ERN1: variants seen among roughly 807,000 people sequenced by gnomAD.
ERN1 encodes endoplasmic reticulum to nucleus signaling 1, also known as serine/threonine-protein kinase/endoribonuclease IRE1.
In ERN1, 39 loss-of-function variants were observed where a neutral mutation model predicts 113.1. The ratio of observed to expected loss-of-function variants is 0.34; its 90% CI spans 0.27 to 0.45. The LOEUF is 0.45. ERN1 is among the 20% of genes least tolerant of loss of function. The pLI is 1.00. For missense variants in ERN1, 976 were observed against 1,274.8 expected (o/e 0.77, Z 3.57); for synonymous variants, 507 against 515.9 (o/e 0.98, Z 0.23).
intron 5 of ERN1, among the ~76,000 whole-genome samples, chr17:64,073,004 A>ATTTTTTTTTTTTTT (rs34253228): frequency 7.8e-6 from 1 of 129,008 alleles, no homozygotes; most frequent in African/African-American, 2.8e-5. Flanking sequence ...AGCCTTTGAA[A>ATTTTTTTTTTTTTT]TTTTTTTTTT....
chr17:64,092,710 G>A (rs1029653551), intron 2 of ERN1, among the ~76,000 whole-genome samples: 4 of 152,130 alleles, frequency 2.6e-5, no homozygotes, highest in African/African-American at 7.2e-5. Context: ...TAATTTGATG[G>A]GGATTTGAGT....
intron 2 of ERN1, among the ~76,000 whole-genome samples, chr17:64,094,202 T>G (rs910403246): frequency 1.3e-5 from 2 of 152,232 alleles, no homozygotes; most frequent in African/African-American, 4.8e-5. Flanking sequence ...GTACTTCTTT[T>G]GTTTGAAACA....
chr17:64,114,523 C>A (rs1914755266), intron 1 of ERN1, among the ~76,000 whole-genome samples: 1 of 152,134 alleles, frequency 6.6e-6, no homozygotes, highest in Non-Finnish European at 1.5e-5. Flanking sequence ...TGTTTGAGGA[C>A]CCGGTGGACC....
intron 1 of ERN1, among the ~76,000 whole-genome samples, chr17:64,104,868 C>T (rs1423598306): frequency 1.3e-5 from 2 of 152,030 alleles, no homozygotes; most frequent in African/African-American, 2.4e-5. Flanking sequence ...AGACTTTTCA[C>T]CTCTAAGTCA....
intron 1 of ERN1, among the ~76,000 whole-genome samples, chr17:64,112,707 A>G (rs73992948): frequency 0.053 from 8,042 of 152,240 alleles, 688 homozygotes; most frequent in African/African-American, 0.18. Flanking sequence ...ACACATGGAG[A>G]TTCCTGATGG....
chr17:64,066,429 T>C (rs562148502), intron 8 of ERN1, among the ~76,000 whole-genome samples: 3 of 152,236 alleles, frequency 2.0e-5, no homozygotes, highest in Non-Finnish European at 4.4e-5. Context: ...GTGTATGCCA[T>C]GGTGCCCGAC....
chr17:64,054,144 T>G lies in ERN1; in HGVS notation c.1953+106A>C, dbSNP rs1298462394. On this transcript the variant is annotated intron_variant, in intron 15 of 21. Transcript: ENST00000433197. This position sits in a 1 kb window ranked among gnomAD's most constrained non-coding sequence, Gnocchi z 4.9. ...TTGTAGAGATGGGGTTTCACCATGT[T>G]GTCCAGGCTGGTCTCAAACTCCTGA... is the stretch of plus-strand genomic sequence containing the variant. 2 of 1,015,494 alleles carry G rather than the reference T, an allele frequency of 2.0e-6. No homozygotes were observed. The highest frequency in any genetic ancestry group is 3.2e-5 in the African/African-American group (2 of 61,796). The allele number at this position is 1,015,494 out of a possible 1,614,324, so 62.9% of individuals were successfully genotyped here.
chr17:64,047,960 T>C lies in ERN1; in HGVS notation c.2427A>G (p.Ile809Met). 5.0e-6 allele frequency: 8 copies of C among 1,613,208 alleles called. No individual in the cohort carries two copies. The highest frequency in any genetic ancestry group is 6.8e-6 in the Non-Finnish European group (8 of 1,179,324). ...GAGGATCCATCGCAATCATCTTCTCTATCAATTCACGTGCAATGACGTCTT... is the reference window on the plus strand; with the variant it reads ...GAGGATCCATCGCAATCATCTTCTCCATCAATTCACGTGCAATGACGTCTT... ...KHEDVIAREL[I>M]EKMIAMDPQK... The change falls in exon 19 of 22, where the codon ATA becomes ATG. Residue 809 changes from isoleucine (I) to methionine (M), a missense_variant. Ile to Met is a conservative substitution (Grantham distance 10). Transcript: ENST00000433197.
chr17:64,067,120 G>T, intron 7 of ERN1, 188 bp from the exon 8 acceptor site: 1 of 635,280 alleles, frequency 1.6e-6, no homozygotes. Flanking sequence ...TCAAGACACT[G>T]AGAGCTGGCT....
rs769745165 is a variant in ERN1 at position 64,130,041 on chromosome 17, G to A, written c.-12C>T. Reference sequence around the variant, plus strand: ...CGCCGGGCCGGCATGGCGAGGACTCGGCCCTGGCTCCGGGGGCGGTACGGA... The same window carrying A: ...CGCCGGGCCGGCATGGCGAGGACTCAGCCCTGGCTCCGGGGGCGGTACGGA... On this transcript the variant is annotated 5_prime_UTR_variant, in exon 1 of 22. Transcript: ENST00000433197. This position sits in a 1 kb window ranked among gnomAD's most constrained non-coding sequence, Gnocchi z 4.0. 1.4e-6 allele frequency: 2 copies of A among 1,407,152 alleles called. No homozygotes were observed. The highest frequency in any genetic ancestry group is 9.2e-7 in the Non-Finnish European group (1 of 1,088,658). The allele number at this position is 1,407,152 out of a possible 1,614,324, so 87.2% of individuals were successfully genotyped here.
At chr17:64,113,955 T>A (rs896843823) in intron 1 of ERN1, among the ~76,000 whole-genome samples, 4 of 151,954 alleles carry the variant, frequency 2.6e-5, no homozygotes, top group African/African-American at 7.3e-5. Flanking sequence ...GTGCTGGGAT[T>A]ACCGGCGTGA....
Position 64,052,809 on chromosome 17 carries a change from T to A in ERN1, c.2224A>T (p.Met742Leu). The change falls in exon 17 of 22, where the codon ATG becomes TTG. Residue 742 changes from methionine to leucine, a missense_variant. Physicochemically the swap from Met to Leu is conservative, Grantham distance 15. Around this residue, in one of 5 missense-constraint regions of ERN1, gnomAD observed 297 missense variants for 457.8 expected, o/e 0.65. Coordinates refer to ENST00000433197, the MANE Select transcript of ERN1 (RefSeq NM_001433.5). ...TTCTCCTTACAGTCTTCGCTCAGCA[T>A]CTCTGGAGCGATCCAGCCTTCTGTG... is the stretch of plus-strand genomic sequence containing the variant. ...PGTEGWIAPE[M>L]LSEDCKENPT... The A allele has an allele frequency of 6.2e-7, 1 of 1,613,978 alleles. No homozygotes were observed. The highest frequency in any genetic ancestry group is 8.5e-7 in the Non-Finnish European group (1 of 1,179,890).
rs1321623513 is a variant in ERN1 at position 64,049,978 on chromosome 17, C to T, written c.2254-776G>A. ...AGTGTGAGGAAGCAGGGGCTCATCACCTCCCATGCTGGAGGAGACACACCT... is the reference window on the plus strand; with the variant it reads ...AGTGTGAGGAAGCAGGGGCTCATCATCTCCCATGCTGGAGGAGACACACCT... On this transcript the variant is annotated intron_variant, in intron 17 of 21. Transcript: ENST00000433197. This position sits in a 1 kb window ranked among gnomAD's most constrained non-coding sequence, Gnocchi z 4.7. 6.6e-6 allele frequency among the ~76,000 whole-genome samples: 1 copy of T among 152,150 alleles called. No individual in the cohort carries two copies. The highest frequency in any genetic ancestry group is 1.5e-5 in the Non-Finnish European group (1 of 68,022).
intron 17 of ERN1, among the ~76,000 whole-genome samples, chr17:64,050,344 AGGTGAAGAGGC>A (rs1230890893): frequency 2.0e-5 from 3 of 152,172 alleles, no homozygotes; most frequent in African/African-American, 7.2e-5. Context: ...GACAACACTA[AGGTGAAGAGGC>A]ATCTTTCCTA....
At chr17:64,087,486 T>C in intron 2 of ERN1, among the ~76,000 whole-genome samples, 1 of 152,136 alleles carries the variant, frequency 6.6e-6, no homozygotes, top group Admixed American at 6.5e-5. Flanking sequence ...TCACACAACC[T>C]AGAAACTCAG....
intron 2 of ERN1, among the ~76,000 whole-genome samples, chr17:64,091,918 T>C (rs1914101069): frequency 6.6e-6 from 1 of 152,176 alleles, no homozygotes; most frequent in Non-Finnish European, 1.5e-5. Context: ...TCACGCTCCC[T>C]ATTTATCCTT....
intron 11 of ERN1, 110 bp downstream of exon 11, chr17:64,060,359 T>G: frequency 1.4e-6 from 1 of 733,800 alleles, no homozygotes; most frequent in East Asian, 2.5e-5. Flanking sequence ...GGTGCATTCC[T>G]CTTCCCTCCC....
At chr17:64,114,660 G>A (rs1016803115) in intron 1 of ERN1, among the ~76,000 whole-genome samples, 23 of 152,102 alleles carry the variant, frequency 1.5e-4, no homozygotes, top group African/African-American at 5.6e-4. Context: ...TATCTATGCA[G>A]CTGAAGGAAA....
chr17:64,122,642 T>C (rs1409551839), intron 1 of ERN1, among the ~76,000 whole-genome samples: 1 of 152,206 alleles, frequency 6.6e-6, no homozygotes, highest in Non-Finnish European at 1.5e-5. Flanking sequence ...CAAATCCAAG[T>C]GTCCTCAATA....
Sources: allele counts gnomAD v4.1 joint callset (sites outside exome capture counted in the v4.1 genomes callset), GRCh38; gene constraint gnomAD v4.1.1; regional missense constraint gnomAD v4.1.1; non-coding constraint Gnocchi (gnomAD v3.1); transcripts MANE v1.5; gene names NCBI Gene and HGNC (gene_info 2026-07-23, HGNC 2026-07-21).